PSMF1: variants seen among roughly 807,000 people sequenced by gnomAD.
PSMF1 encodes the protein proteasome inhibitor PI31 subunit.
Under a neutral mutation model 29.3 loss-of-function variants are expected in PSMF1, and 30 were observed. The observed-to-expected ratio is 1.02, with a 90% CI of 0.77 to 1.39. The LOEUF is 1.39. Ranked by LOEUF, PSMF1 falls within the 40% of genes most tolerant of loss-of-function variation. The pLI is 0.00. For missense variants in PSMF1, 344 were observed against 357.5 expected (o/e 0.96, Z 0.31); for synonymous variants, 134 against 139.7 (o/e 0.96, Z 0.29).
At chr20:1,123,301 G>C (rs1470390800) in intron 1 of PSMF1, among the ~76,000 whole-genome samples, 2 of 152,142 alleles carry the variant, frequency 1.3e-5, no homozygotes, top group African/African-American at 4.8e-5. Context: ...CTTGGTGTGT[G>C]AAGTTTTGCT....
chr20:1,117,655 T>C (rs902421727), upstream of PSMF1, among the ~76,000 whole-genome samples: 1 of 152,154 alleles, frequency 6.6e-6, no homozygotes, highest in African/African-American at 2.4e-5. Context: ...ATCTGACTTG[T>C]TTTCTAACAG....
In PSMF1 at chr20:1,135,304, C is replaced by T; in HGVS notation, c.549C>T (p.Pro183=). ...PHHPHTSRQP[P]WCDPLGPFVV... The stretch of plus-strand genomic sequence containing the variant: ...ACCCACACACCAGTCGGCAGCCTCC[C>T]TGGTGAGTACAGAGTGCCTAGCGGG... Residue 183 remains proline (P), a splice_region_variant and synonymous_variant, in exon 4 of 7, where the codon CCC becomes CCT. Transcript: ENST00000335877. 6.2e-7 allele frequency: 1 copy of T among 1,610,140 alleles called. No individual in the cohort carries two copies.
rs760259085 is a variant in PSMF1 at position 1,164,512 on chromosome 20, C to T, written c.764+36C>T. 5.6e-6 allele frequency: 9 copies of T among 1,608,776 alleles called. No individual in the cohort carries two copies. The African/African-American group carries it at 1.2e-4, about 22-fold the overall frequency. ...ACTCAGGTATGCTGAGAAGTAGGAC[C>T]TGATGGCAGCTTGGTTCAGTGTGGC... On this transcript the variant is annotated intron_variant, in intron 6 of 6. Coordinates refer to ENST00000335877, the MANE Select transcript of PSMF1 (RefSeq NM_006814.5). The surrounding 1 kb of genome is among the most constrained non-coding windows in gnomAD (Gnocchi z 4.1).
chr20:1,152,120 G>A (rs533794282), intron 4 of PSMF1, among the ~76,000 whole-genome samples: 8 of 152,190 alleles, frequency 5.3e-5, no homozygotes, highest in South Asian at 2.1e-4. Flanking sequence ...GACAGTGGAC[G>A]TGTTAACATG....
At chr20:1,142,420 C>T (rs2086394424) in intron 4 of PSMF1, among the ~76,000 whole-genome samples, 1 of 151,918 alleles carries the variant, frequency 6.6e-6, no homozygotes, top group South Asian at 2.1e-4. Flanking sequence ...TCCCTCCCTC[C>T]TCCCCCCACC....
chr20:1,157,268 A>C (rs572937585), intron 4 of PSMF1, among the ~76,000 whole-genome samples: 147 of 152,334 alleles, frequency 9.6e-4, no homozygotes, highest in African/African-American at 3.4e-3. Flanking sequence ...ACACCCTCAC[A>C]GACACACCCA....
chr20:1,136,859 GT>G (rs1282040377), intron 4 of PSMF1, among the ~76,000 whole-genome samples: 1 of 152,154 alleles, frequency 6.6e-6, no homozygotes, highest in African/African-American at 2.4e-5. Flanking sequence ...ATTGAATATT[GT>G]TTCTTCAGTT....
chr20:1,149,578 G>A (rs1013389566), intron 4 of PSMF1, among the ~76,000 whole-genome samples: 4 of 152,114 alleles, frequency 2.6e-5, no homozygotes, highest in Admixed American at 6.5e-5. Context: ...GAAAATGTCC[G>A]CTATGTAGCC....
rs2086290831 is a variant in PSMF1, at chr20:1,135,247, A to G, written c.492A>G (p.Arg164=). The G allele has an allele frequency of 1.2e-6, 2 of 1,613,962 alleles. No homozygotes were observed. ...GGGAGTTCCCCCCTGCTACCGCCAGAGAGGTGGACCCACTCCGGATTCCTC... is the reference window on the plus strand; with the variant it reads ...GGGAGTTCCCCCCTGCTACCGCCAGGGAGGTGGACCCACTCCGGATTCCTC... ...PHREFPPATA[R]EVDPLRIPPH... The change falls in exon 4 of 7, where the codon AGA becomes AGG. Residue 164 remains arginine (R), a synonymous_variant. Transcript: ENST00000335877.
At chr20:1,140,481 T>C (rs1362130781) in intron 4 of PSMF1, among the ~76,000 whole-genome samples, 4 of 152,296 alleles carry the variant, frequency 2.6e-5, no homozygotes, top group East Asian at 3.9e-4. Flanking sequence ...CTATAAAATT[T>C]CTAGACCTAG....
chr20:1,153,725 G>A (rs928573022), intron 4 of PSMF1, among the ~76,000 whole-genome samples: 6 of 152,052 alleles, frequency 3.9e-5, no homozygotes, highest in South Asian at 2.1e-4. Flanking sequence ...GTCTTAACCC[G>A]TTACTACATC....
intron 1 of PSMF1, among the ~76,000 whole-genome samples, chr20:1,120,867 C>T (rs905402021): frequency 6.6e-6 from 1 of 152,166 alleles, no homozygotes; most frequent in African/African-American, 2.4e-5. Flanking sequence ...AGAACCCCAT[C>T]CACCTCTGCT....
chr20:1,137,970 C>T (rs747852132), intron 4 of PSMF1, among the ~76,000 whole-genome samples: 34 of 152,272 alleles, frequency 2.2e-4, no homozygotes, highest in Admixed American at 7.2e-4. Flanking sequence ...GAATGGTGGA[C>T]TATTGATAAT....
At chr20:1,131,758 A>G (rs1600147331) in intron 3 of PSMF1, among the ~76,000 whole-genome samples, 1 of 152,294 alleles carries the variant, frequency 6.6e-6, no homozygotes, top group East Asian at 1.9e-4. Context: ...TCTGTGTCGG[A>G]TGAGATGGTA....
intron 1 of PSMF1, among the ~76,000 whole-genome samples, chr20:1,119,323 C>T (rs1054450992): frequency 6.6e-6 from 1 of 152,170 alleles, no homozygotes; most frequent in Non-Finnish European, 1.5e-5. Context: ...CCTCATACCA[C>T]AGTAGAGCCT....
chr20:1,119,775 C>G (rs1375726051), intron 1 of PSMF1, among the ~76,000 whole-genome samples: 1 of 152,164 alleles, frequency 6.6e-6, no homozygotes, highest in East Asian at 1.9e-4. Context: ...CCACATCATC[C>G]TAGACATCTG....
chr20:1,128,735 T>C (rs1375398798), intron 3 of PSMF1, among the ~76,000 whole-genome samples: 2 of 152,218 alleles, frequency 1.3e-5, no homozygotes, highest in African/African-American at 2.4e-5. Flanking sequence ...TTTTTTATTT[T>C]ATTTTATTTT....
Position 1,164,367 on chromosome 20 carries a change from A to G in PSMF1, c.655A>G (p.Arg219Gly). The G allele has an allele frequency of 6.2e-7, 1 of 1,614,032 alleles. No homozygotes were observed. ...IVDPLRSGFP[R>G]ALIDPSSGLP... ...GGATCCCCTGAGATCTGGCTTCCCA[A>G]GAGCACTTATTGACCCTTCCTCAGG... is the stretch of plus-strand genomic sequence containing the variant. The change falls in exon 6 of 7, where the codon AGA becomes GGA. Residue 219 changes from arginine to glycine, a missense_variant. By Grantham distance (125) the Arg-to-Gly change is moderately radical. Coordinates refer to ENST00000335877, the MANE Select transcript of PSMF1 (RefSeq NM_006814.5). The surrounding 1 kb of genome is among the most constrained non-coding windows in gnomAD (Gnocchi z 4.1).
At chr20:1,122,965 G>A (rs1482222798) in intron 1 of PSMF1, among the ~76,000 whole-genome samples, 1 of 152,160 alleles carries the variant, frequency 6.6e-6, no homozygotes, top group Non-Finnish European at 1.5e-5. Context: ...CAAAGATGAG[G>A]ATGTCATCAA....
Sources: allele counts gnomAD v4.1 joint callset (sites outside exome capture counted in the v4.1 genomes callset), GRCh38; gene constraint gnomAD v4.1.1; non-coding constraint Gnocchi (gnomAD v3.1); transcripts MANE v1.5; gene names NCBI Gene and HGNC (gene_info 2026-07-23, HGNC 2026-07-21).